Variants in MAP3K4 observed in about 807,000 individuals in gnomAD.
MAP3K4 encodes MAP three kinase 1.
MAP3K4 carries 67 observed loss-of-function variants against 185.6 expected under a neutral mutation model. That is an observed-to-expected ratio of 0.36 (90% CI 0.30 to 0.44). MAP3K4 has a LOEUF of 0.44. MAP3K4 is among the 20% of genes least tolerant of loss of function. The pLI is 1.00. For missense variants in MAP3K4, 1,551 were observed against 1,995.1 expected (o/e 0.78, Z 4.24); for synonymous variants, 702 against 710.4 (o/e 0.99, Z 0.19).
rs1433854572 is a variant in MAP3K4, at chr6:161,114,823, C to T, written c.4627-300C>T. Among the ~76,000 whole-genome samples, 3 of 152,026 alleles carry T rather than the reference C, an allele frequency of 2.0e-5. No individual in the cohort carries two copies. Among genetic ancestry groups the T allele is most frequent in the Non-Finnish European group, 4.4e-5 (3 of 68,014 alleles). On this transcript the variant is annotated intron_variant, in intron 25 of 26. Coordinates refer to ENST00000392142, the MANE Select transcript of MAP3K4 (RefSeq NM_005922.4). This position sits in a 1 kb window ranked among gnomAD's most constrained non-coding sequence, Gnocchi z 4.3. ...CTAGATACTGTTGGACTAAATAGTGCACCCCAAATGGAGTAGGCAAACTAT... is the reference window on the plus strand; with the variant it reads ...CTAGATACTGTTGGACTAAATAGTGTACCCCAAATGGAGTAGGCAAACTAT...
intron 1 of MAP3K4, among the ~76,000 whole-genome samples, chr6:161,001,271 A>G (rs1781310992): frequency 6.6e-6 from 1 of 151,766 alleles, no homozygotes; most frequent in South Asian, 2.1e-4. Context: ...GGAATCATGT[A>G]TGTCTCAAGC....
chr6:161,018,115 G>T (rs1265859943), intron 1 of MAP3K4, among the ~76,000 whole-genome samples: 1 of 152,176 alleles, frequency 6.6e-6, no homozygotes, highest in East Asian at 1.9e-4. Flanking sequence ...AGACTGTGTT[G>T]CGGGGAAGAA....
At chr6:161,099,371 G>A (rs1329428769) in intron 17 of MAP3K4, among the ~76,000 whole-genome samples, 3 of 152,128 alleles carry the variant, frequency 2.0e-5, no homozygotes, top group Non-Finnish European at 4.4e-5. Flanking sequence ...ACAAATATTT[G>A]CAGTCATTTC....
rs576586436 is a variant in MAP3K4, at chr6:161,040,297, A to T, written c.343+5848A>T. 5.3e-5 allele frequency among the ~76,000 whole-genome samples: 8 copies of T among 152,336 alleles called. No individual in the cohort carries two copies. In the South Asian group the frequency reaches 1.7e-3, roughly 32 times the overall value. ...AAATATGAGGCTACATACAAGTACT[A>T]TATATAGACATTTACATGGTGTGTG... On this transcript the variant is annotated intron_variant, in intron 2 of 26. Transcript: ENST00000392142.
chr6:161,020,077 T>C (rs6901173), intron 1 of MAP3K4, among the ~76,000 whole-genome samples: 29,672 of 152,128 alleles, frequency 0.2, 3,740 homozygotes, highest in East Asian at 0.39. Context: ...AACTTTGTAG[T>C]TTGAGCATTG....
At position 161,101,025 on chromosome 6, in the gene MAP3K4, TAAG is replaced by T. The variant is rs1231806594; in HGVS notation, c.3675-865_3675-863del. On this transcript the variant is annotated intron_variant, in intron 17 of 26. Coordinates refer to ENST00000392142, the MANE Select transcript of MAP3K4 (RefSeq NM_005922.4). The surrounding 1 kb of genome is among the most constrained non-coding windows in gnomAD (Gnocchi z 5.1). ...TTGCCTTCAACCTATCAATGTATAA[TAAG>T]AGCATAAATGCTACCATACTTCATT... 3 of 152,220 alleles carry T rather than the reference TAAG, an allele frequency of 2.0e-5. No homozygotes were observed. 9.4% of individuals were successfully genotyped at this position (152,220 alleles called of 1,614,324 possible). A position where few individuals can be genotyped will look rare whatever the true frequency, so the allele number is the denominator to read the frequency against.
At chr6:161,083,069 C>T (rs1209951744) in intron 6 of MAP3K4, among the ~76,000 whole-genome samples, 1 of 152,214 alleles carries the variant, frequency 6.6e-6, no homozygotes, top group Non-Finnish European at 1.5e-5. Flanking sequence ...TCCTCACTGT[C>T]TCGGGCCAGG....
chr6:161,055,539 A>G (rs568718420), intron 3 of MAP3K4, among the ~76,000 whole-genome samples: 1 of 152,338 alleles, frequency 6.6e-6, no homozygotes, highest in Admixed American at 6.5e-5. Context: ...ATTAACATTG[A>G]TACAAAGTGC....
intron 1 of MAP3K4, among the ~76,000 whole-genome samples, chr6:161,025,551 G>T (rs1562488756): frequency 6.6e-6 from 1 of 152,126 alleles, no homozygotes; most frequent in African/African-American, 2.4e-5. Context: ...AACTAATTTT[G>T]TAATCCAAAT....
rs1414824117 is a variant in MAP3K4 at position 161,048,377 on chromosome 6, A to G, written c.344-239A>G. 4.6e-6 allele frequency: 3 copies of G among 654,826 alleles called. No individual in the cohort carries two copies. Among genetic ancestry groups the G allele is most frequent in the East Asian group, 6.3e-5 (2 of 31,630 alleles). The allele number at this position is 654,826 out of a possible 1,614,324, so 40.6% of individuals were successfully genotyped here. A position where few individuals can be genotyped will look rare whatever the true frequency, so the allele number is the denominator to read the frequency against. ...AAATAAACAGCTAGTTTAGGTAATT[A>G]GTTGTGAATATAAGAGAATACAGCA... On this transcript the variant is annotated intron_variant, in intron 2 of 26. Transcript: ENST00000392142. The surrounding 1 kb of genome is among the most constrained non-coding windows in gnomAD (Gnocchi z 4.7).
At chr6:161,018,841 G>GAAAAAAGATGT (rs1406451503) in intron 1 of MAP3K4, among the ~76,000 whole-genome samples, 2 of 152,136 alleles carry the variant, frequency 1.3e-5, no homozygotes, top group South Asian at 4.1e-4. Flanking sequence ...GAATATTAGA[G>GAAAAAAGATGT]AAAAAAGATG....
rs1056020677 is a variant in MAP3K4, at chr6:161,063,401, A to G, written c.1708-7207A>G. ...TGGTAACCTTGTGCTAGATTCTACT[A>G]CAGTTCTTTTCTGTTGCTTATTTTT... On this transcript the variant is annotated intron_variant, in intron 3 of 26. Transcript: ENST00000392142. This position sits in a 1 kb window ranked among gnomAD's most constrained non-coding sequence, Gnocchi z 5.4. Among the ~76,000 whole-genome samples the G allele has an allele frequency of 5.3e-5, 8 of 152,000 alleles. No individual in the cohort carries two copies. Among genetic ancestry groups the G allele is most frequent in the Non-Finnish European group, 1.2e-4 (8 of 68,014 alleles).
In MAP3K4 at chr6:161,017,288, C is replaced by T. The variant is rs1047715762; in HGVS notation, c.153-16971C>T. Among the ~76,000 whole-genome samples, 1 of 151,986 alleles carries T rather than the reference C, an allele frequency of 6.6e-6. No individual in the cohort carries two copies. The highest frequency in any genetic ancestry group is 2.4e-5 in the African/African-American group (1 of 41,358). On this transcript the variant is annotated intron_variant, in intron 1 of 26. Transcript: ENST00000392142. This position sits in a 1 kb window ranked among gnomAD's most constrained non-coding sequence, Gnocchi z 5.1. Reference sequence around the variant, plus strand: ...ATATTAGAATTTTTATTTCGATGATCCTAGCTAAGTCAAAACAATTTGGTG... The same window carrying T: ...ATATTAGAATTTTTATTTCGATGATTCTAGCTAAGTCAAAACAATTTGGTG...
At position 161,097,253 on chromosome 6, in the gene MAP3K4, A is replaced by G; in HGVS notation, c.3524+77A>G. 2.5e-6 allele frequency: 3 copies of G among 1,218,592 alleles called. No individual in the cohort carries two copies. Among genetic ancestry groups the G allele is most frequent in the South Asian group, 1.3e-5 (1 of 78,214 alleles). The allele number at this position is 1,218,592 out of a possible 1,614,324, so 75.5% of individuals were successfully genotyped here. ...ATGCTCATACTTTTGAAACTACTAG[A>G]TGCTTGCTCTGAGAGCTAAATACCT... is the stretch of plus-strand genomic sequence containing the variant. On this transcript the variant is annotated intron_variant, in intron 16 of 26. Coordinates refer to ENST00000392142, the MANE Select transcript of MAP3K4 (RefSeq NM_005922.4). The surrounding 1 kb of genome is among the most constrained non-coding windows in gnomAD (Gnocchi z 4.9).
At chr6:160,994,008 G>A (rs189451289) in intron 1 of MAP3K4, among the ~76,000 whole-genome samples, 2 of 151,806 alleles carry the variant, frequency 1.3e-5, no homozygotes, top group African/African-American at 4.8e-5. Flanking sequence ...CAGAATTACT[G>A]TAGATCTTTG....
In MAP3K4 at chr6:161,109,897, T is replaced by C; in HGVS notation, c.4379T>C (p.Val1460Ala). Residue 1460 changes from valine (V) to alanine (A), a missense_variant, in exon 23 of 27, where the codon GTC becomes GCC. Coordinates refer to ENST00000392142, the MANE Select transcript of MAP3K4 (RefSeq NM_005922.4). The surrounding 1 kb of genome is among the most constrained non-coding windows in gnomAD (Gnocchi z 5.7). ...AACGTCCTCCATGAGCATGGCATAGTCCACCGTGACATTAAAGGTAATCCC... is the reference window on the plus strand; with the variant it reads ...AACGTCCTCCATGAGCATGGCATAGCCCACCGTGACATTAAAGGTAATCCC... ...AINVLHEHGI[V>A]HRDIKGANIF... The C allele has an allele frequency of 6.2e-7, 1 of 1,614,006 alleles. No homozygotes were observed. Among genetic ancestry groups the C allele is most frequent in the Non-Finnish European group, 8.5e-7 (1 of 1,180,008 alleles).
Position 161,070,888 on chromosome 6 carries a change from T to C in MAP3K4, c.1950+38T>C, listed in dbSNP as rs1216000659. 2.0e-6 allele frequency: 3 copies of C among 1,535,614 alleles called. No homozygotes were observed. The highest frequency in any genetic ancestry group is 1.4e-5 in the African/African-American group (1 of 72,136). ...GACTCTTTAAAATATTTAGCAATTA[T>C]TATATTATCCTACAGGCTTATCATT... On this transcript the variant is annotated intron_variant, in intron 4 of 26. Transcript: ENST00000392142. The surrounding 1 kb of genome is among the most constrained non-coding windows in gnomAD (Gnocchi z 4.5).
rs895043631 is a variant in MAP3K4 at position 161,064,492 on chromosome 6, G to A, written c.1708-6116G>A. Among the ~76,000 whole-genome samples, 1 of 151,506 alleles carries A rather than the reference G, an allele frequency of 6.6e-6. No homozygotes were observed. Among genetic ancestry groups the A allele is most frequent in the Non-Finnish European group, 1.5e-5 (1 of 67,924 alleles). On this transcript the variant is annotated intron_variant, in intron 3 of 26. Transcript: ENST00000392142. The surrounding 1 kb of genome is among the most constrained non-coding windows in gnomAD (Gnocchi z 4.3). ...CATTAAATTCTAGATAATTGGGTAT[G>A]TTTCTGTGTTCTGATCTGTTTATTA...
intron 2 of MAP3K4, among the ~76,000 whole-genome samples, chr6:161,046,198 A>G (rs1366430019): frequency 6.6e-6 from 1 of 152,170 alleles, no homozygotes; most frequent in Non-Finnish European, 1.5e-5. Context: ...AATAAAGTAT[A>G]ATATGAATTA....
Sources: allele counts gnomAD v4.1 joint callset (sites outside exome capture counted in the v4.1 genomes callset), GRCh38; gene constraint gnomAD v4.1.1; non-coding constraint Gnocchi (gnomAD v3.1); transcripts MANE v1.5; gene names NCBI Gene and HGNC (gene_info 2026-07-23, HGNC 2026-07-21).